ELAVL1: variants seen among roughly 807,000 people sequenced by gnomAD.
ELAVL1 encodes ELAV like RNA binding protein 1, also known as ELAV-like protein 1.
ELAVL1 carries 1 observed loss-of-function variant against 28.4 expected under a neutral mutation model. The ratio of observed to expected loss-of-function variants is 0.04; its 90% confidence interval spans 0.01 to 0.17. The LOEUF (loss-of-function observed/expected upper bound fraction) is 0.17. Among genes scored for constraint, ELAVL1 ranks in the 10% least tolerant of loss-of-function variants. ELAVL1 has a pLI of 1.00. For synonymous variants in ELAVL1, 174 were observed against 183.5 expected, an observed-to-expected ratio of 0.95 and a Z score of 0.42; for missense variants, 157 against 447.2, an observed-to-expected ratio of 0.35 and a Z score of 5.85.
intron 4 of ELAVL1, 139 bp downstream of exon 4, chr19:7,973,586 A>T: frequency 9.0e-7 from 1 of 1,115,268 alleles, no homozygotes; most frequent in Non-Finnish European, 1.3e-6. Context: ...ACCAAAGCCA[A>T]CGTCTTCTCA....
Position 7,981,250 on chromosome 19 carries a change from G to T in ELAVL1, c.173-64C>A. ...TCTGCGAGTGAGGGACAGGGAGGTC[G>T]GGAAGCACTATATCTGCCTGGCCTT... On this transcript the variant is annotated intron_variant, in intron 2 of 5. Coordinates refer to ENST00000407627, the MANE Select transcript of ELAVL1 (RefSeq NM_001419.3). The surrounding 1 kb of genome is among the most constrained non-coding windows in gnomAD (Gnocchi z 4.2). The T allele has an allele frequency of 6.6e-7, 1 of 1,525,960 alleles. No homozygotes were observed. Among genetic ancestry groups the T allele is most frequent in the Non-Finnish European group, 9.1e-7 (1 of 1,100,414 alleles). 94.5% of individuals were successfully genotyped at this position (1,525,960 alleles called of 1,614,324 possible).
chr19:7,988,134 T>A (rs549191338), intron 2 of ELAVL1, among the ~76,000 whole-genome samples: 1 of 152,124 alleles, frequency 6.6e-6, no homozygotes, highest in Non-Finnish European at 1.5e-5. Flanking sequence ...CCCAGGAGGA[T>A]GAGAGCCAAG....
intron 3 of ELAVL1, among the ~76,000 whole-genome samples, chr19:7,976,417 A>AT (rs967392710): frequency 1.3e-5 from 2 of 151,794 alleles, no homozygotes; most frequent in Non-Finnish European, 2.9e-5. Context: ...AAAAAAAAGT[A>AT]TTTTTTTTGA....
chr19:8,004,011 G>A (rs1029744333), intron 1 of ELAVL1, among the ~76,000 whole-genome samples: 1 of 152,160 alleles, frequency 6.6e-6, no homozygotes, highest in African/African-American at 2.4e-5. Flanking sequence ...CCCTGGCGCA[G>A]CCACTTTAGT....
At chr19:7,975,403 A>C (rs1185495799) in intron 3 of ELAVL1, among the ~76,000 whole-genome samples, 1 of 152,210 alleles carries the variant, frequency 6.6e-6, no homozygotes, top group Non-Finnish European at 1.5e-5. Flanking sequence ...ATGCCTCCCA[A>C]GGACAGGTGT....
At position 7,981,306 on chromosome 19, in the gene ELAVL1, T is replaced by C; in HGVS notation, c.173-120A>G. 1 of 847,496 alleles carries C rather than the reference T, an allele frequency of 1.2e-6. No individual in the cohort carries two copies. Among genetic ancestry groups the C allele is most frequent in the African/African-American group, 1.7e-5 (1 of 59,300 alleles). 52.5% of individuals were successfully genotyped at this position (847,496 alleles called of 1,614,324 possible). A position where few individuals can be genotyped will look rare whatever the true frequency, so the allele number is the denominator to read the frequency against. ...AATGGGATTACAGGTGCTAGCAAACTTTATTTTCTTTGGCAAACACGTACA... is the reference window on the plus strand; with the variant it reads ...AATGGGATTACAGGTGCTAGCAAACCTTATTTTCTTTGGCAAACACGTACA... On this transcript the variant is annotated intron_variant, in intron 2 of 5. Coordinates refer to ENST00000407627, the MANE Select transcript of ELAVL1 (RefSeq NM_001419.3). The surrounding 1 kb of genome is among the most constrained non-coding windows in gnomAD (Gnocchi z 4.2).
chr19:7,983,265 C>T (rs1379392003), intron 2 of ELAVL1, among the ~76,000 whole-genome samples: 1 of 152,212 alleles, frequency 6.6e-6, no homozygotes, highest in Non-Finnish European at 1.5e-5. Flanking sequence ...GACCGTAGGA[C>T]CAGGCCCGTG....
At chr19:7,998,970 G>A (rs2081058303) in intron 1 of ELAVL1, among the ~76,000 whole-genome samples, 1 of 151,930 alleles carries the variant, frequency 6.6e-6, no homozygotes, top group Non-Finnish European at 1.5e-5. Context: ...AGAGACAGGG[G>A]TCTCATTTTG....
rs768682858 is a variant in ELAVL1, at chr19:7,991,841, G to A, written c.-16-10C>T. 6.4e-7 allele frequency: 1 copy of A among 1,571,862 alleles called. No homozygotes were observed. Among genetic ancestry groups the A allele is most frequent in the Non-Finnish European group, 8.7e-7 (1 of 1,154,724 alleles). On this transcript the variant is annotated splice_polypyrimidine_tract_variant and intron_variant, in intron 1 of 5. Transcript: ENST00000407627. ...TGTATTTTTCAAAAATCTGCCAAGA[G>A]AAAAAGAGCAAGTAAATTCAAAATG...
chr19:8,005,398 G>A (rs2081084029), intron 1 of ELAVL1, 97 bp downstream of exon 1: 1 of 146,390 alleles, frequency 6.8e-6, no homozygotes, highest in African/African-American at 2.4e-5. Flanking sequence ...GCCTCGGCCG[G>A]TGCAGGCCCG....
chr19:7,998,511 G>A (rs1250401867), intron 1 of ELAVL1, among the ~76,000 whole-genome samples: 2 of 152,162 alleles, frequency 1.3e-5, no homozygotes, highest in Non-Finnish European at 2.9e-5. Flanking sequence ...GACCCAGGTG[G>A]TTCTCCAGCC....
chr19:7,973,203 A>G (rs1985169747), intron 4 of ELAVL1: 1 of 159,116 alleles, frequency 6.3e-6, no homozygotes, highest in African/African-American at 2.4e-5. Flanking sequence ...TTTTCACTGT[A>G]CATGAAATGC....
intron 4 of ELAVL1, among the ~76,000 whole-genome samples, chr19:7,971,632 G>A (rs1013919755): frequency 1.3e-5 from 2 of 152,258 alleles, no homozygotes; most frequent in African/African-American, 2.4e-5. Context: ...TCTCCCCAGA[G>A]CAAAGGCAGA....
Position 7,979,976 on chromosome 19 carries a change from A to C in ELAVL1, c.276+1107T>G, listed in dbSNP as rs956741107. 1.3e-5 allele frequency among the ~76,000 whole-genome samples: 2 copies of C among 152,108 alleles called. No individual in the cohort carries two copies. Among genetic ancestry groups the C allele is most frequent in the Non-Finnish European group, 2.9e-5 (2 of 68,012 alleles). Reference sequence around the variant, plus strand: ...TGACTCAGGAGGCCCCCCTGTGACCATGGAATCTATATGTTACAGCTCCCC... The same window carrying C: ...TGACTCAGGAGGCCCCCCTGTGACCCTGGAATCTATATGTTACAGCTCCCC... On this transcript the variant is annotated intron_variant, in intron 3 of 5. Coordinates refer to ENST00000407627, the MANE Select transcript of ELAVL1 (RefSeq NM_001419.3). This position sits in a 1 kb window ranked among gnomAD's most constrained non-coding sequence, Gnocchi z 5.4.
intron 4 of ELAVL1, among the ~76,000 whole-genome samples, chr19:7,970,929 C>A (rs1036851784): frequency 6.6e-6 from 1 of 152,186 alleles, no homozygotes; most frequent in Non-Finnish European, 1.5e-5. Flanking sequence ...TGGCCTGCCA[C>A]ACACACTCTG....
chr19:8,005,583 AGCGGTGGCG>A lies in ELAVL1; in HGVS notation c.-114_-106del, dbSNP rs896985406. ...GCTAACGGCTCCGCTCGGCCTCGGT[AGCGGTGGCG>A]GCGGTGGCGGCGACGGCGACGGCGG... is the stretch of plus-strand genomic sequence containing the variant. On this transcript the variant is annotated 5_prime_UTR_variant, in exon 1 of 6. Transcript: ENST00000407627. 11 of 148,290 alleles carry A rather than the reference AGCGGTGGCG, an allele frequency of 7.4e-5. No homozygotes were observed. Among genetic ancestry groups the A allele is most frequent in the East Asian group, 2.0e-4 (1 of 5,110 alleles). The allele number at this position is 148,290 out of a possible 1,614,324, so 9.2% of individuals were successfully genotyped here.
At chr19:7,988,897 C>CGGGAA (rs940750210) in intron 2 of ELAVL1, among the ~76,000 whole-genome samples, 1 of 152,060 alleles carries the variant, frequency 6.6e-6, no homozygotes, top group African/African-American at 2.4e-5. Context: ...CTTGGGAAGC[C>CGGGAA]GGGAAGGGAA....
At chr19:8,002,161 C>T in intron 1 of ELAVL1, 1 of 1,276,108 alleles carries the variant, frequency 7.8e-7, no homozygotes, top group South Asian at 1.2e-5. Flanking sequence ...TCTTTGAACA[C>T]ACGATGTTCT....
At chr19:7,991,476 T>C (rs1047216282) in intron 2 of ELAVL1, among the ~76,000 whole-genome samples, 168 bp downstream of exon 2, 1 of 152,178 alleles carries the variant, frequency 6.6e-6, no homozygotes, top group Non-Finnish European at 1.5e-5. Flanking sequence ...TCCGATCTTA[T>C]ACAAGAGCAA....
Sources: gnomAD v4.1 joint callset for allele counts (sites outside exome capture counted in the v4.1 genomes callset) on GRCh38, gnomAD v4.1.1 for gene constraint, Gnocchi (gnomAD v3.1) non-coding constraint, MANE v1.5 for transcripts, NCBI Gene and HGNC (gene_info 2026-07-23, HGNC 2026-07-21) for gene names.